Variants in CTNNA2 observed in about 807,000 individuals in gnomAD.
CTNNA2 encodes catenin alpha-2.
A neutral mutation model predicts 101.0 loss-of-function variants in CTNNA2; 42 were observed. The observed-to-expected ratio is 0.42, with a 90% CI of 0.32 to 0.54. The LOEUF is 0.54. CTNNA2 is among the 20% of genes least tolerant of loss of function. The pLI is 0.14. For synonymous variants in CTNNA2, 450 were observed against 456.4 expected, an observed-to-expected ratio of 0.99 and a Z score of 0.18; for missense variants, 871 against 1,223.1, an observed-to-expected ratio of 0.71 and a Z score of 4.29.
At chr2:79,741,458 A>C (rs1671279691) in intron 2 of CTNNA2, among the ~76,000 whole-genome samples, 1 of 152,142 alleles carries the variant, frequency 6.6e-6, no homozygotes, top group Non-Finnish European at 1.5e-5. Flanking sequence ...CTGGGCAGAA[A>C]TGACATCTTT....
intron 17 of CTNNA2, among the ~76,000 whole-genome samples, chr2:80,617,684 A>G (rs1698968946): frequency 6.6e-6 from 1 of 151,778 alleles, no homozygotes; most frequent in Non-Finnish European, 1.5e-5. Context: ...GTTTGAATTT[A>G]GTAGCTTCTG....
At chr2:80,162,755 A>C (rs1704409529) in intron 7 of CTNNA2, 1 of 1,600,246 alleles carries the variant, frequency 6.2e-7, no homozygotes, top group Non-Finnish European at 8.6e-7. Flanking sequence ...ATTGATCCAG[A>C]GGTGAAGAAG....
At chr2:79,333,303 T>C (rs1676916960) in intron 3 of CTNNA2, among the ~76,000 whole-genome samples, 1 of 152,100 alleles carries the variant, frequency 6.6e-6, no homozygotes, top group Non-Finnish European at 1.5e-5. Context: ...AGCAAGACTG[T>C]GGGTTCAAAT....
intron 3 of CTNNA2, among the ~76,000 whole-genome samples, chr2:79,754,048 T>C (rs894108386): frequency 6.6e-6 from 1 of 152,024 alleles, no homozygotes; most frequent in Non-Finnish European, 1.5e-5. Context: ...TTTGTATTTC[T>C]AGTAGAGACA....
intron 2 of CTNNA2, among the ~76,000 whole-genome samples, chr2:79,306,080 C>T (rs1015091360): frequency 2.7e-5 from 4 of 150,066 alleles, no homozygotes; most frequent in East Asian, 1.9e-4. Context: ...TTGTCTTTTA[C>T]GACAACATGG....
At chr2:79,655,519 T>A (rs1360918896) in intron 2 of CTNNA2, among the ~76,000 whole-genome samples, 1 of 152,134 alleles carries the variant, frequency 6.6e-6, no homozygotes, top group Non-Finnish European at 1.5e-5. Context: ...TCATAGCACA[T>A]CTAAGATTAT....
At chr2:79,290,035 C>G (rs1043501063) in intron 2 of CTNNA2, among the ~76,000 whole-genome samples, 2 of 152,138 alleles carry the variant, frequency 1.3e-5, no homozygotes. Context: ...AAGTGAGAAA[C>G]AGTTAGGGGG....
intron 8 of CTNNA2, among the ~76,000 whole-genome samples, chr2:80,398,424 A>G (rs1426194710): frequency 2.0e-5 from 3 of 152,196 alleles, no homozygotes; most frequent in Non-Finnish European, 4.4e-5. Context: ...AACCCTACAT[A>G]AGAGCTAATA....
chr2:79,734,318 G>T (rs910616245), intron 2 of CTNNA2, among the ~76,000 whole-genome samples: 16 of 152,028 alleles, frequency 1.1e-4, no homozygotes, highest in African/African-American at 3.9e-4. Context: ...ACCTAGGTTG[G>T]CAATAGATCC....
At chr2:80,376,230 G>C (rs1675938854) in intron 7 of CTNNA2, among the ~76,000 whole-genome samples, 1 of 152,008 alleles carries the variant, frequency 6.6e-6, no homozygotes, top group Non-Finnish European at 1.5e-5. Context: ...TATGGGACCA[G>C]AGTTTGTTTT....
At chr2:80,463,747 G>A (rs970963086) in intron 9 of CTNNA2, among the ~76,000 whole-genome samples, 1 of 152,118 alleles carries the variant, frequency 6.6e-6, no homozygotes, top group African/African-American at 2.4e-5. Flanking sequence ...AATAAACCAA[G>A]CTCAGAAAGA....
chr2:79,322,667 G>A lies in CTNNA2; in HGVS notation c.-318+9871G>A, dbSNP rs1381059837. Among the ~76,000 whole-genome samples the A allele has an allele frequency of 2.0e-5, 3 of 152,140 alleles. No homozygotes were observed. The East Asian group carries it at 5.8e-4, about 29-fold the overall frequency. On this transcript the variant is annotated intron_variant, in intron 3 of 21. Transcript: ENST00000466387. ...CACTTCTATGACAATGTTTTTCAAG[G>A]TATTTTTATTTCCATTGCTCCATTC...
chr2:80,186,238 T>C (rs762656072), intron 7 of CTNNA2, among the ~76,000 whole-genome samples: 7 of 152,240 alleles, frequency 4.6e-5, no homozygotes, highest in Non-Finnish European at 7.3e-5. Context: ...CACATTGCCT[T>C]ATTGATTTTA....
chr2:80,533,027 A>G (rs1305395592), intron 9 of CTNNA2, among the ~76,000 whole-genome samples: 2 of 152,158 alleles, frequency 1.3e-5, no homozygotes, highest in Non-Finnish European at 2.9e-5. Flanking sequence ...CACAAGGATG[A>G]AAATAAAAAT....
At chr2:79,333,042 A>C (rs1011927013) in intron 3 of CTNNA2, among the ~76,000 whole-genome samples, 9 of 152,250 alleles carry the variant, frequency 5.9e-5, no homozygotes, top group Admixed American at 5.2e-4. Context: ...GCCAAGGGAA[A>C]GAATAACTAT....
intron 2 of CTNNA2, among the ~76,000 whole-genome samples, chr2:79,706,869 A>G (rs1006534504): frequency 1.3e-5 from 2 of 152,178 alleles, no homozygotes; most frequent in African/African-American, 4.8e-5. Flanking sequence ...CATTGCCCAG[A>G]GAGGAATAAG....
chr2:79,608,371 C>T (rs1344220691), intron 1 of CTNNA2, among the ~76,000 whole-genome samples: 1 of 152,036 alleles, frequency 6.6e-6, no homozygotes, highest in Non-Finnish European at 1.5e-5. Flanking sequence ...AATTATCTTA[C>T]AGAATTGAAG....
chr2:79,410,561 G>A (rs896926053), intron 4 of CTNNA2, among the ~76,000 whole-genome samples: 3 of 151,988 alleles, frequency 2.0e-5, no homozygotes, highest in East Asian at 1.9e-4. Flanking sequence ...TGAGATAATC[G>A]TGTGGTTTGT....
intron 4 of CTNNA2, among the ~76,000 whole-genome samples, chr2:79,408,154 A>C (rs1454692550): frequency 1.3e-5 from 2 of 152,002 alleles, no homozygotes; most frequent in African/African-American, 4.8e-5. Context: ...ATCTTCTTCC[A>C]TTAAGATAGT....
Sources: allele counts gnomAD v4.1 joint callset (sites outside exome capture counted in the v4.1 genomes callset), GRCh38; gene constraint gnomAD v4.1.1; transcripts MANE v1.5; gene names NCBI Gene and HGNC (gene_info 2026-07-23, HGNC 2026-07-21).